Variants in SPIDR observed in about 807,000 individuals in gnomAD.
SPIDR encodes the protein DNA repair-scaffolding protein.
Under a neutral mutation model 104.6 loss-of-function variants are expected in SPIDR, and 93 were observed. The ratio of observed to expected loss-of-function variants is 0.89; its 90% CI spans 0.75 to 1.06. The LOEUF (loss-of-function observed/expected upper bound fraction) is 1.06, where lower values mean the gene tolerates loss of function less well. Among genes scored for constraint, SPIDR ranks in the 50% least tolerant of loss-of-function variants. SPIDR has a pLI of 0.00. For synonymous variants in SPIDR, 431 were observed against 416.9 expected (o/e 1.03, Z -0.41); for missense variants, 1,154 against 1,111.2 (o/e 1.04, Z -0.55).
intron 10 of SPIDR, among the ~76,000 whole-genome samples, chr8:47,610,763 C>T (rs2063504647): frequency 6.6e-6 from 1 of 152,216 alleles, no homozygotes; most frequent in South Asian, 2.1e-4. Context: ...AACAGATGCC[C>T]TTGTTTCTTC....
chr8:47,330,347 C>G (rs562249345), intron 5 of SPIDR, among the ~76,000 whole-genome samples: 2 of 152,204 alleles, frequency 1.3e-5, no homozygotes, highest in Admixed American at 1.3e-4. Flanking sequence ...AGTTGATGAA[C>G]CCGTGTATAC....
rs186256675 is a variant in SPIDR at position 47,381,538 on chromosome 8, T to C, written c.526-14838T>C. 1.5e-4 allele frequency among the ~76,000 whole-genome samples: 23 copies of C among 152,346 alleles called. No homozygotes were observed. In the East Asian group the frequency reaches 2.3e-3, roughly 15 times the overall value. Reference sequence around the variant, plus strand: ...TGACTGTGCTCGTTTGTAGTGTGACTTTAAGAAAGGGAGGCTGAACTCAGG... The same window carrying C: ...TGACTGTGCTCGTTTGTAGTGTGACCTTAAGAAAGGGAGGCTGAACTCAGG... On this transcript the variant is annotated intron_variant, in intron 5 of 19. Coordinates refer to ENST00000297423, the MANE Select transcript of SPIDR (RefSeq NM_001080394.4).
chr8:47,336,735 A>G (rs2049833998), intron 5 of SPIDR, among the ~76,000 whole-genome samples: 1 of 152,212 alleles, frequency 6.6e-6, no homozygotes, highest in East Asian at 1.9e-4. Context: ...GTATTAAAAA[A>G]CTGTGGGACT....
intron 5 of SPIDR, among the ~76,000 whole-genome samples, chr8:47,389,831 A>G (rs933659678): frequency 1.3e-5 from 2 of 152,108 alleles, no homozygotes; most frequent in Non-Finnish European, 2.9e-5. Context: ...GTACTGGGAA[A>G]GATGTCAGTG....
intron 11 of SPIDR, among the ~76,000 whole-genome samples, chr8:47,684,251 A>ATTCT (rs2077468317): frequency 6.6e-6 from 1 of 151,464 alleles, no homozygotes; most frequent in African/African-American, 2.4e-5. Context: ...AAGTGACTTT[A>ATTCT]TTCTTCCTCC....
intron 5 of SPIDR, among the ~76,000 whole-genome samples, chr8:47,310,735 G>T (rs587629900): frequency 1.6e-4 from 24 of 152,208 alleles, no homozygotes; most frequent in African/African-American, 5.8e-4. Context: ...ATAAAGAAGG[G>T]TGTCCCAAAT....
intron 8 of SPIDR, among the ~76,000 whole-genome samples, chr8:47,565,992 A>ATATATATATATATATATAT (rs1554802202): frequency 4.7e-4 from 7 of 14,926 alleles, no homozygotes; most frequent in Non-Finnish European, 7.4e-4. Flanking sequence ...ATATATATAT[A>ATATATATATATATATATAT]TTTTTTTTTT....
At chr8:47,694,362 T>C (rs2079054345) in intron 11 of SPIDR, among the ~76,000 whole-genome samples, 1 of 151,886 alleles carries the variant, frequency 6.6e-6, no homozygotes, top group African/African-American at 2.4e-5. Flanking sequence ...GGGGAAGATG[T>C]GTAGTGTGTG....
chr8:47,726,025 T>C (rs530446068), intron 16 of SPIDR, among the ~76,000 whole-genome samples: 2 of 152,374 alleles, frequency 1.3e-5, no homozygotes, highest in Non-Finnish European at 2.9e-5. Flanking sequence ...GCAGATGTGC[T>C]CTGGGGCTTG....
intron 3 of SPIDR, among the ~76,000 whole-genome samples, chr8:47,286,674 C>T (rs894075381): frequency 2.0e-5 from 3 of 152,136 alleles, no homozygotes; most frequent in Non-Finnish European, 4.4e-5. Context: ...CAAGGCTGAT[C>T]TTTCTAATAA....
intron 5 of SPIDR, among the ~76,000 whole-genome samples, chr8:47,314,771 A>C (rs1194624787): frequency 6.6e-6 from 1 of 152,160 alleles, no homozygotes; most frequent in Non-Finnish European, 1.5e-5. Context: ...CAAATAGCAA[A>C]CTTACAAACC....
intron 5 of SPIDR, among the ~76,000 whole-genome samples, chr8:47,371,620 C>T (rs782739090): frequency 2.0e-5 from 3 of 152,088 alleles, no homozygotes; most frequent in Non-Finnish European, 2.9e-5. Context: ...CTCACCTCCA[C>T]GTTTTGGATT....
At chr8:47,698,431 A>G (rs1314837632) in intron 11 of SPIDR, among the ~76,000 whole-genome samples, 2 of 152,250 alleles carry the variant, frequency 1.3e-5, no homozygotes, top group Non-Finnish European at 2.9e-5. Flanking sequence ...ACTCTGCTTC[A>G]CAAGGCAACA....
intron 10 of SPIDR, among the ~76,000 whole-genome samples, chr8:47,621,132 A>G (rs913744797): frequency 1.3e-5 from 2 of 150,254 alleles, no homozygotes; most frequent in African/African-American, 2.5e-5. Context: ...AATTTTTTGT[A>G]TTTTAGTAGA....
In SPIDR at chr8:47,596,011, ACTC is replaced by A. The variant is rs1295204586; in HGVS notation, c.1293+8_1293+10del. On this transcript the variant is annotated splice_donor_region_variant and intron_variant, in intron 9 of 19. Coordinates refer to ENST00000297423, the MANE Select transcript of SPIDR (RefSeq NM_001080394.4). ...AATAATTCACCTGAAATCCAGGTAA[ACTC>A]CTATTGGCCTAAAGGTTTTATGCTT... 2 of 1,608,436 alleles carry A rather than the reference ACTC, an allele frequency of 1.2e-6. No individual in the cohort carries two copies. Among genetic ancestry groups the A allele is most frequent in the South Asian group, 1.1e-5 (1 of 90,172 alleles).
intron 1 of SPIDR, among the ~76,000 whole-genome samples, chr8:47,277,326 TTA>T (rs2036677791): frequency 2.7e-5 from 2 of 72,816 alleles, no homozygotes; most frequent in South Asian, 1.8e-3. Flanking sequence ...TTATGTTATG[TTA>T]TGTTATGTTA....
intron 16 of SPIDR, among the ~76,000 whole-genome samples, chr8:47,718,530 CT>C (rs2082911985): frequency 6.6e-6 from 1 of 150,982 alleles, no homozygotes; most frequent in Non-Finnish European, 1.5e-5. Flanking sequence ...TTTTCTGTAC[CT>C]CATTGGAGGC....
At chr8:47,380,939 G>A (rs1204605777) in intron 5 of SPIDR, among the ~76,000 whole-genome samples, 1 of 152,120 alleles carries the variant, frequency 6.6e-6, no homozygotes, top group Non-Finnish European at 1.5e-5. Flanking sequence ...CCTTTCTATT[G>A]TCTGGAATTG....
intron 14 of SPIDR, among the ~76,000 whole-genome samples, chr8:47,702,491 C>T (rs1432306116): frequency 2.0e-5 from 3 of 152,258 alleles, no homozygotes; most frequent in South Asian, 2.1e-4. Flanking sequence ...ACTGAAAGCC[C>T]CCCCATCCCA....
Sources: allele counts gnomAD v4.1 joint callset (sites outside exome capture counted in the v4.1 genomes callset), GRCh38; gene constraint gnomAD v4.1.1; transcripts MANE v1.5; gene names NCBI Gene and HGNC (gene_info 2026-07-23, HGNC 2026-07-21).